KCNT2: variants seen among roughly 807,000 people sequenced by gnomAD.
The protein encoded by KCNT2 is potassium sodium-activated channel subfamily T member 2.
In KCNT2, 67 loss-of-function variants were observed where a neutral mutation model predicts 153.8. The ratio of observed to expected loss-of-function variants is 0.44; its 90% confidence interval spans 0.36 to 0.53. The LOEUF is 0.53. Among genes scored for constraint, KCNT2 ranks in the 20% least tolerant of loss-of-function variants. KCNT2 has a pLI of 0.00. For missense variants in KCNT2, 975 were observed against 1,354.8 expected, an observed-to-expected ratio of 0.72 and a Z score of 4.40; for synonymous variants, 500 against 458.8, an observed-to-expected ratio of 1.09 and a Z score of -1.15.
chr1:196,236,591 T>C (rs961021820), intron 26 of KCNT2, among the ~76,000 whole-genome samples: 1 of 151,574 alleles, frequency 6.6e-6, no homozygotes, highest in Non-Finnish European at 1.5e-5. Context: ...ATGTAACTCA[T>C]CCTAATGCTT....
At chr1:196,530,804 C>A (rs1412238902) in intron 1 of KCNT2, among the ~76,000 whole-genome samples, 1 of 152,040 alleles carries the variant, frequency 6.6e-6, no homozygotes, top group African/African-American at 2.4e-5. Context: ...AAATGTTTAT[C>A]CCTTCAAAAC....
chr1:196,429,877 T>C, intron 8 of KCNT2, 120 bp from the exon 9 acceptor site: 1 of 602,014 alleles, frequency 1.7e-6, no homozygotes, highest in South Asian at 2.8e-5. Context: ...CCTCTTATAT[T>C]TTACAATATA....
intron 8 of KCNT2, among the ~76,000 whole-genome samples, chr1:196,451,406 CATTTTTT>C (rs1676177239): frequency 1.7e-5 from 1 of 58,710 alleles, no homozygotes; most frequent in South Asian, 7.7e-4. Flanking sequence ...ACACCCAACA[CATTTTTT>C]TTTTTTTTTT....
intron 8 of KCNT2, among the ~76,000 whole-genome samples, chr1:196,450,347 A>G (rs1357795989): frequency 1.3e-5 from 2 of 151,872 alleles, no homozygotes; most frequent in South Asian, 2.1e-4. Context: ...TATGTTGATG[A>G]TTACCAAATT....
At chr1:196,409,432 G>A (rs1672103083) in intron 12 of KCNT2, among the ~76,000 whole-genome samples, 2 of 150,994 alleles carry the variant, frequency 1.3e-5, no homozygotes, top group South Asian at 4.2e-4. Flanking sequence ...GTTTTTTTCA[G>A]TCATTATGCT....
rs1653496074 is a variant in KCNT2, at chr1:196,226,427, T to C, written c.*1797A>G. ...TCAAATATATTTCACGTTTATAACA[T>C]ATACACATATATGCATACAATCTTT... On this transcript the variant is annotated 3_prime_UTR_variant, in exon 28 of 28. Coordinates refer to ENST00000294725, the MANE Select transcript of KCNT2 (RefSeq NM_198503.5). 6.6e-6 allele frequency: 1 copy of C among 152,064 alleles called. No individual in the cohort carries two copies. Among genetic ancestry groups the C allele is most frequent in the African/African-American group, 2.4e-5 (1 of 41,462 alleles). 9.4% of individuals were successfully genotyped at this position (152,064 alleles called of 1,614,324 possible). A position where few individuals can be genotyped will look rare whatever the true frequency, so the allele number is the denominator to read the frequency against.
At chr1:196,459,341 T>C (rs745595252) in intron 8 of KCNT2, among the ~76,000 whole-genome samples, 12 of 151,216 alleles carry the variant, frequency 7.9e-5, no homozygotes, top group Non-Finnish European at 1.5e-4. Flanking sequence ...TAATGGAAAA[T>C]TAACAGATTT....
chr1:196,324,337 G>C (rs185623597), intron 19 of KCNT2, among the ~76,000 whole-genome samples: 5 of 151,966 alleles, frequency 3.3e-5, no homozygotes, highest in Non-Finnish European at 5.9e-5. Flanking sequence ...AACCCTGTAA[G>C]TTGAAAGAAA....
At chr1:196,423,169 T>G in intron 11 of KCNT2, 56 bp from the exon 12 acceptor site, 1 of 1,186,278 alleles carries the variant, frequency 8.4e-7, no homozygotes, top group Non-Finnish European at 1.2e-6. Context: ...ACAGGTTTTC[T>G]GAAAAATAGA....
chr1:196,370,380 T>G (rs1321960354), intron 14 of KCNT2, among the ~76,000 whole-genome samples: 1 of 152,002 alleles, frequency 6.6e-6, no homozygotes, highest in African/African-American at 2.4e-5. Context: ...GTCATCTAAT[T>G]TATTTATGAC....
Position 196,498,376 on chromosome 1 carries a change from T to A in KCNT2, c.96-6035A>T, listed in dbSNP as rs115959610. On this transcript the variant is annotated intron_variant, in intron 1 of 27. Coordinates refer to ENST00000294725, the MANE Select transcript of KCNT2 (RefSeq NM_198503.5). Reference sequence around the variant, plus strand: ...ATCTTACAGTAGACATAGATCACTATCAGAGGAAGGTTCTTCCTCTGTGTC... The same window carrying A: ...ATCTTACAGTAGACATAGATCACTAACAGAGGAAGGTTCTTCCTCTGTGTC... Among the ~76,000 whole-genome samples the A allele has an allele frequency of 8.3e-3, 1,257 of 152,322 alleles. 17 individuals carry two copies. Among genetic ancestry groups the A allele is most frequent in the African/African-American group, 0.028 (1,181 of 41,570 alleles).
chr1:196,325,757 C>T (rs1398476789), intron 19 of KCNT2, among the ~76,000 whole-genome samples: 1 of 151,968 alleles, frequency 6.6e-6, no homozygotes, highest in Non-Finnish European at 1.5e-5. Flanking sequence ...GAAAATTCTA[C>T]AAGTGTGATA....
At chr1:196,430,102 GTCTTTTCTTTTTCTTTTT>G (rs1291970403) in intron 8 of KCNT2, among the ~76,000 whole-genome samples, 1 of 151,620 alleles carries the variant, frequency 6.6e-6, no homozygotes, top group East Asian at 1.9e-4. Flanking sequence ...AAAATACCAA[GTCTTTTCTTTTTCTTTTT>G]TTTTATAATT....
chr1:196,421,239 G>A (rs1419584080), intron 12 of KCNT2, among the ~76,000 whole-genome samples: 1 of 151,714 alleles, frequency 6.6e-6, no homozygotes, highest in Non-Finnish European at 1.5e-5. Context: ...CAATTTAGTA[G>A]TGTCAGGAAA....
At chr1:196,381,314 T>G (rs938346853) in intron 13 of KCNT2, among the ~76,000 whole-genome samples, 2 of 152,040 alleles carry the variant, frequency 1.3e-5, no homozygotes, top group African/African-American at 2.4e-5. Context: ...AGTCTTAATA[T>G]TTTTGAAAAA....
intron 1 of KCNT2, among the ~76,000 whole-genome samples, chr1:196,500,262 A>T (rs1387351260): frequency 3.5e-5 from 1 of 28,586 alleles, no homozygotes; most frequent in African/African-American, 9.8e-5. Flanking sequence ...AAAAGGAAGG[A>T]AGGAAGGAAG....
At chr1:196,310,032 A>G (rs1415905028) in intron 21 of KCNT2, among the ~76,000 whole-genome samples, 1 of 151,826 alleles carries the variant, frequency 6.6e-6, no homozygotes, top group Non-Finnish European at 1.5e-5. Context: ...TTACTAACCA[A>G]TATAAAGATG....
intron 14 of KCNT2, chr1:196,343,205 A>T (rs1665830878): frequency 6.6e-6 from 1 of 152,224 alleles, no homozygotes; most frequent in Admixed American, 6.5e-5. Context: ...ATCCCACAAA[A>T]GTATTTTTAT....
intron 22 of KCNT2, among the ~76,000 whole-genome samples, chr1:196,299,520 T>C (rs998748209): frequency 6.6e-6 from 1 of 151,980 alleles, no homozygotes; most frequent in Non-Finnish European, 1.5e-5. Context: ...ATAACGGAAA[T>C]GTAAATCAAG....
Sources: allele counts gnomAD v4.1 joint callset (sites outside exome capture counted in the v4.1 genomes callset), GRCh38; gene constraint gnomAD v4.1.1; transcripts MANE v1.5; gene names NCBI Gene and HGNC (gene_info 2026-07-23, HGNC 2026-07-21).